GPC5: variants seen among roughly 807,000 people sequenced by gnomAD.
GPC5 encodes glypican 5, also known as glypican-5.
A neutral mutation model predicts 53.9 loss-of-function variants in GPC5; 47 were observed. The observed-to-expected ratio is 0.87, with a 90% CI of 0.69 to 1.11. GPC5 has a LOEUF of 1.11. GPC5 is among the 50% of genes most tolerant of loss of function. GPC5 has a pLI of 0.00. For synonymous variants in GPC5, 286 were observed against 263.3 expected (o/e 1.09, Z -0.84); for missense variants, 748 against 713.1 (o/e 1.05, Z -0.56).
chr13:92,021,001 C>T lies in GPC5; in HGVS notation c.1401+112944C>T, dbSNP rs532190168. On this transcript the variant is annotated intron_variant, in intron 6 of 7. Transcript: ENST00000377067. ...TGCATTTTGAGTTGATTTTTGTGTA[C>T]GCCATAAAATAAGGGTCTAATTTCA... 6.9e-4 allele frequency among the ~76,000 whole-genome samples: 105 copies of T among 152,044 alleles called. 1 individual carries two copies. The highest frequency in any genetic ancestry group is 4.7e-4 in the Non-Finnish European group (32 of 67,956).
intron 2 of GPC5, among the ~76,000 whole-genome samples, chr13:91,686,806 C>T (rs1048642112): frequency 6.6e-6 from 1 of 151,898 alleles, no homozygotes; most frequent in Non-Finnish European, 1.5e-5. Context: ...TGATTTCAGG[C>T]ACAGAGCAAC....
At chr13:91,556,988 C>A (rs1478673094) in intron 2 of GPC5, among the ~76,000 whole-genome samples, 2 of 151,952 alleles carry the variant, frequency 1.3e-5, no homozygotes, top group African/African-American at 2.4e-5. Context: ...ATAACAACAA[C>A]AAAAAAGAAA....
chr13:91,986,494 G>C (rs948904497), intron 6 of GPC5, among the ~76,000 whole-genome samples: 2 of 152,130 alleles, frequency 1.3e-5, no homozygotes, highest in African/African-American at 4.8e-5. Flanking sequence ...GCTATTTCCT[G>C]TTCCCAGCTT....
intron 5 of GPC5, among the ~76,000 whole-genome samples, chr13:91,884,592 A>G (rs572756946): frequency 2.6e-5 from 4 of 152,310 alleles, no homozygotes; most frequent in African/African-American, 9.6e-5. Flanking sequence ...GATTTTAAGC[A>G]GAGAAGTGAT....
At chr13:91,813,271 A>C (rs1354964025) in intron 5 of GPC5, among the ~76,000 whole-genome samples, 1 of 152,064 alleles carries the variant, frequency 6.6e-6, no homozygotes, top group Non-Finnish European at 1.5e-5. Context: ...TCCCCTTTGC[A>C]TTACTTTGAT....
intron 7 of GPC5, among the ~76,000 whole-genome samples, chr13:92,428,172 C>A (rs941909476): frequency 6.6e-6 from 1 of 152,100 alleles, no homozygotes; most frequent in Non-Finnish European, 1.5e-5. Flanking sequence ...TGGCCCCCAA[C>A]CTATGGCGGA....
chr13:91,860,741 A>T (rs1330727950), intron 5 of GPC5, among the ~76,000 whole-genome samples: 1 of 151,876 alleles, frequency 6.6e-6, no homozygotes, highest in Non-Finnish European at 1.5e-5. Flanking sequence ...ACCTCCAGTG[A>T]TCCGCCTACC....
chr13:92,730,885 A>C (rs1888783461), intron 7 of GPC5, among the ~76,000 whole-genome samples: 1 of 151,510 alleles, frequency 6.6e-6, no homozygotes, highest in South Asian at 2.1e-4. Flanking sequence ...AATGGGTCTT[A>C]GCGGGTGGTG....
chr13:92,596,762 G>A (rs535770126), intron 7 of GPC5, among the ~76,000 whole-genome samples: 14 of 152,258 alleles, frequency 9.2e-5, no homozygotes, highest in East Asian at 1.9e-4. Flanking sequence ...ATCAGCCACC[G>A]CGCCAGGTTG....
chr13:92,004,263 G>A (rs1028818051), intron 6 of GPC5, among the ~76,000 whole-genome samples: 1 of 151,220 alleles, frequency 6.6e-6, no homozygotes, highest in African/African-American at 2.4e-5. Context: ...TGGCCAACAT[G>A]GTGAAACCCT....
At chr13:92,824,861 A>C in intron 7 of GPC5, among the ~76,000 whole-genome samples, 1 of 152,250 alleles carries the variant, frequency 6.6e-6, no homozygotes, top group Middle Eastern at 3.4e-3. Flanking sequence ...AATTTTCATT[A>C]ATAGTTCATA....
chr13:92,078,117 T>C (rs1449259752), intron 6 of GPC5, among the ~76,000 whole-genome samples: 3 of 152,144 alleles, frequency 2.0e-5, no homozygotes, highest in African/African-American at 7.2e-5. Context: ...GATACCAAAT[T>C]ATAATTAGCT....
rs1199046489 is a variant in GPC5 at position 91,448,900 on chromosome 13, T to C, written c.303T>C (p.Ser101=). 27 of 1,612,964 alleles carry C rather than the reference T, an allele frequency of 1.7e-5. No individual in the cohort carries two copies. The highest frequency in any genetic ancestry group is 3.3e-4 in the Middle Eastern group (2 of 6,072). The change falls in exon 2 of 8, where the codon TCT becomes TCC. Residue 101 remains serine, a synonymous_variant. Transcript: ENST00000377067. Reference sequence around the variant, plus strand: ...GCTCTACATTAAAGTTTCTAATATCTCGAAATGCGGCTGCTTTTCAAGGTA... The same window carrying C: ...GCTCTACATTAAAGTTTCTAATATCCCGAAATGCGGCTGCTTTTCAAGGTA... The part of the protein sequence containing the change: ...TSSSTLKFLI[S]RNAAAFQETL...
chr13:91,622,506 A>G (rs999662752), intron 2 of GPC5, among the ~76,000 whole-genome samples: 2 of 151,874 alleles, frequency 1.3e-5, no homozygotes, highest in African/African-American at 2.4e-5. Flanking sequence ...TTTTTTTCTC[A>G]GTTTAAAATA....
chr13:91,871,515 AAAAG>A (rs1032797998), intron 5 of GPC5, among the ~76,000 whole-genome samples: 1 of 152,222 alleles, frequency 6.6e-6, no homozygotes, highest in African/African-American at 2.4e-5. Flanking sequence ...AAAGGTTAAA[AAAAG>A]AGGAATATAT....
chr13:91,763,804 T>C (rs540028614), intron 5 of GPC5, among the ~76,000 whole-genome samples: 4 of 152,272 alleles, frequency 2.6e-5, no homozygotes, highest in African/African-American at 9.6e-5. Context: ...ACAAATATAG[T>C]CACCCCTTGG....
chr13:91,507,608 C>A (rs958247315), intron 2 of GPC5, among the ~76,000 whole-genome samples: 1 of 152,212 alleles, frequency 6.6e-6, no homozygotes, highest in Non-Finnish European at 1.5e-5. Flanking sequence ...CCTCCCACAA[C>A]ACGTGGAAAT....
chr13:92,575,983 A>G (rs1384305582), intron 7 of GPC5, among the ~76,000 whole-genome samples: 1 of 152,138 alleles, frequency 6.6e-6, no homozygotes, highest in Non-Finnish European at 1.5e-5. Flanking sequence ...CAAGACTGAC[A>G]GGTTTGACAA....
intron 7 of GPC5, among the ~76,000 whole-genome samples, chr13:92,782,052 G>A (rs977268848): frequency 6.0e-5 from 9 of 149,632 alleles, no homozygotes; most frequent in Non-Finnish European, 8.9e-5. Context: ...AGGAAGGGAA[G>A]GGAAGTGAAG....
Sources: allele counts gnomAD v4.1 joint callset (sites outside exome capture counted in the v4.1 genomes callset), GRCh38; gene constraint gnomAD v4.1.1; transcripts MANE v1.5; gene names NCBI Gene and HGNC (gene_info 2026-07-23, HGNC 2026-07-21).